ADGRB3: variants seen among roughly 807,000 people sequenced by gnomAD.
The protein encoded by ADGRB3 is brain-specific angiogenesis inhibitor 3.
In ADGRB3, 37 loss-of-function variants were observed where a neutral mutation model predicts 193.4. The observed-to-expected ratio is 0.19, with a 90% confidence interval of 0.15 to 0.25. ADGRB3 has a LOEUF of 0.25. Among genes scored for constraint, ADGRB3 ranks in the 10% least tolerant of loss-of-function variants. The probability of loss-of-function intolerance (pLI) is 1.00; values close to 1 mark genes in which losing one functional copy is unlikely to be tolerated. For synonymous variants in ADGRB3, 690 were observed against 644.2 expected (o/e 1.07, Z -1.08); for missense variants, 1,637 against 1,852.9 (o/e 0.88, Z 2.14).
intron 3 of ADGRB3, among the ~76,000 whole-genome samples, chr6:68,824,058 C>T (rs1767795589): frequency 6.6e-6 from 1 of 152,114 alleles, no homozygotes; most frequent in Non-Finnish European, 1.5e-5. Context: ...TTACTCTTGT[C>T]TGGTTAGTGA....
chr6:69,044,571 A>C (rs1771185467), intron 13 of ADGRB3, among the ~76,000 whole-genome samples: 1 of 152,196 alleles, frequency 6.6e-6, no homozygotes, highest in Non-Finnish European at 1.5e-5. Context: ...TCTATACTGA[A>C]CCTGAATCGT....
At chr6:69,205,178 T>G (rs1765509916) in intron 17 of ADGRB3, among the ~76,000 whole-genome samples, 1 of 152,170 alleles carries the variant, frequency 6.6e-6, no homozygotes, top group Non-Finnish European at 1.5e-5. Context: ...AAATATTGAC[T>G]TAAAAAGCTA....
chr6:69,370,638 C>T (rs895284456), intron 29 of ADGRB3, among the ~76,000 whole-genome samples: 1 of 152,088 alleles, frequency 6.6e-6, no homozygotes. Context: ...CTCTGGTGAT[C>T]TAGGTTCCTG....
At chr6:68,996,316 C>T (rs1769381361) in intron 11 of ADGRB3, among the ~76,000 whole-genome samples, 1 of 152,050 alleles carries the variant, frequency 6.6e-6, no homozygotes, top group Non-Finnish European at 1.5e-5. Context: ...TTTCTGTGGC[C>T]TCTTCCTTTT....
chr6:69,338,352 A>G (rs1671544809), intron 24 of ADGRB3, among the ~76,000 whole-genome samples: 1 of 152,222 alleles, frequency 6.6e-6, no homozygotes, highest in South Asian at 2.1e-4. Flanking sequence ...TATTCAGATC[A>G]TCCTAAAATG....
intron 3 of ADGRB3, among the ~76,000 whole-genome samples, chr6:68,691,350 T>A (rs773231298): frequency 5.9e-5 from 9 of 152,068 alleles, no homozygotes; most frequent in Non-Finnish European, 1.3e-4. Context: ...TTCAATAGCC[T>A]TGAAACAAGG....
intron 20 of ADGRB3, among the ~76,000 whole-genome samples, chr6:69,254,001 T>C (rs891755421): frequency 6.6e-6 from 1 of 152,112 alleles, no homozygotes; most frequent in Non-Finnish European, 1.5e-5. Flanking sequence ...TTCCAGGCAG[T>C]CAGAAGCTTG....
chr6:68,764,274 G>GA (rs899612188), intron 3 of ADGRB3, among the ~76,000 whole-genome samples: 2 of 151,946 alleles, frequency 1.3e-5, no homozygotes, highest in Non-Finnish European at 2.9e-5. Flanking sequence ...GATACTGTTA[G>GA]AAAAAAGAAA....
intron 17 of ADGRB3, among the ~76,000 whole-genome samples, chr6:69,109,611 G>A (rs1336295151): frequency 6.6e-6 from 1 of 152,178 alleles, no homozygotes; most frequent in Admixed American, 6.5e-5. Flanking sequence ...TAAGGTACTT[G>A]TCCAGCTTTA....
Position 69,033,721 on chromosome 6 carries a change from T to C in ADGRB3, c.2108-14464T>C, listed in dbSNP as rs1425645518. On this transcript the variant is annotated intron_variant, in intron 13 of 31. Transcript: ENST00000370598. ...AATATTTATCAGTGTTTGAACCAGA[T>C]ATGCAGTTGTTTTAGATATCGTTAA... 4.6e-5 allele frequency among the ~76,000 whole-genome samples: 7 copies of C among 152,152 alleles called. No individual in the cohort carries two copies. The East Asian group carries it at 1.3e-3, about 29-fold the overall frequency.
chr6:68,874,869 TG>T lies in ADGRB3; in HGVS notation c.758-55687del, dbSNP rs528607929. Among the ~76,000 whole-genome samples, 50 of 152,294 alleles carry T rather than the reference TG, an allele frequency of 3.3e-4. 1 individual carries two copies. Among genetic ancestry groups the T allele is most frequent in the Admixed American group, 2.4e-3 (37 of 15,290 alleles). On this transcript the variant is annotated intron_variant, in intron 3 of 31. Coordinates refer to ENST00000370598, the MANE Select transcript of ADGRB3 (RefSeq NM_001704.3). ...AATCATGATTCACAGAGTAAAATTT[TG>T]GGTATTTGGCTCTTCAAAAACCTGA...
At chr6:68,784,077 C>T (rs1215230660) in intron 3 of ADGRB3, among the ~76,000 whole-genome samples, 3 of 152,018 alleles carry the variant, frequency 2.0e-5, no homozygotes, top group Admixed American at 1.3e-4. Context: ...ACAATGATAT[C>T]TGAATAAATG....
chr6:69,239,673 T>C (rs1396305474), intron 20 of ADGRB3, among the ~76,000 whole-genome samples: 3 of 151,968 alleles, frequency 2.0e-5, no homozygotes, highest in Admixed American at 6.6e-5. Flanking sequence ...ACCTGAAAAA[T>C]ATCCATAGGC....
chr6:68,742,914 T>A (rs956931877), intron 3 of ADGRB3, among the ~76,000 whole-genome samples: 1 of 151,996 alleles, frequency 6.6e-6, no homozygotes, highest in African/African-American at 2.4e-5. Context: ...TTTTATGTAA[T>A]AAAGATGTAT....
chr6:69,208,720 A>C (rs932925984), intron 17 of ADGRB3, among the ~76,000 whole-genome samples: 3 of 152,202 alleles, frequency 2.0e-5, no homozygotes, highest in African/African-American at 7.2e-5. Flanking sequence ...GGGTGGCAGG[A>C]GTGGAGACCA....
chr6:69,103,767 A>T (rs1773133006), intron 17 of ADGRB3, among the ~76,000 whole-genome samples: 1 of 150,258 alleles, frequency 6.7e-6, no homozygotes, highest in African/African-American at 2.4e-5. Flanking sequence ...ATTTGTTATT[A>T]TATTCATTAT....
At chr6:68,960,702 G>A (rs1184755326) in intron 8 of ADGRB3, among the ~76,000 whole-genome samples, 1 of 152,086 alleles carries the variant, frequency 6.6e-6, no homozygotes, top group Non-Finnish European at 1.5e-5. Flanking sequence ...TCTTTTGAGT[G>A]CCTCCCTCAT....
intron 20 of ADGRB3, among the ~76,000 whole-genome samples, chr6:69,257,937 G>A (rs889161400): frequency 2.0e-5 from 3 of 152,178 alleles, no homozygotes; most frequent in Admixed American, 1.3e-4. Flanking sequence ...TTGTAGAAAC[G>A]TGGTTGTTAT....
chr6:69,318,071 T>G (rs1283465), intron 20 of ADGRB3, among the ~76,000 whole-genome samples: 1 of 151,088 alleles, frequency 6.6e-6, no homozygotes, highest in African/African-American at 2.4e-5. Flanking sequence ...TATCTTTATT[T>G]TTGTCTTTTC....
Sources: allele counts gnomAD v4.1 joint callset (sites outside exome capture counted in the v4.1 genomes callset), GRCh38; gene constraint gnomAD v4.1.1; transcripts MANE v1.5; gene names NCBI Gene and HGNC (gene_info 2026-07-23, HGNC 2026-07-21).